The following RPS6KC1 variants were observed in gnomAD, a reference collection of about 807,000 sequenced individuals.
RPS6KC1 encodes inactive ribosomal protein S6 kinase delta-1.
Under a neutral mutation model 103.8 loss-of-function variants are expected in RPS6KC1, and 54 were observed. The ratio of observed to expected loss-of-function variants is 0.52; its 90% CI spans 0.42 to 0.65. The LOEUF (loss-of-function observed/expected upper bound fraction) is 0.65, where lower values mean the gene tolerates loss of function less well. RPS6KC1 is among the 30% of genes least tolerant of loss of function. The pLI, the probability that RPS6KC1 is intolerant of heterozygous loss-of-function variation, is 0.00. For missense variants in RPS6KC1, 1,151 were observed against 1,253.8 expected (o/e 0.92, Z 1.24); for synonymous variants, 439 against 438.7 (o/e 1.00, Z -0.01).
the RPS6KC1 span, among the ~76,000 whole-genome samples, chr1:213,483,199 C>T: frequency 3.9e-5 from 6 of 152,068 alleles, no homozygotes; most frequent in African/African-American, 1.4e-4. Context: ...CTTATGAAAC[C>T]ATCAGATCTC....
chr1:213,291,109 C>G, the RPS6KC1 span, among the ~76,000 whole-genome samples: 2 of 152,196 alleles, frequency 1.3e-5, no homozygotes, highest in African/African-American at 2.4e-5. Context: ...AATAGCAACT[C>G]TGAAGCTACC....
chr1:213,659,767 A>G, the RPS6KC1 span, among the ~76,000 whole-genome samples: 1 of 152,184 alleles, frequency 6.6e-6, no homozygotes, highest in Non-Finnish European at 1.5e-5. Context: ...TGTGCCTGTA[A>G]GTGCATACTG....
chr1:213,654,021 A>T, the RPS6KC1 span, among the ~76,000 whole-genome samples: 1 of 152,180 alleles, frequency 6.6e-6, no homozygotes, highest in Non-Finnish European at 1.5e-5. Context: ...AAGTGTATAG[A>T]CCCTACAGCC....
chr1:213,116,224 A>C (rs1237283151), intron 4 of RPS6KC1, among the ~76,000 whole-genome samples: 1 of 151,936 alleles, frequency 6.6e-6, no homozygotes, highest in Non-Finnish European at 1.5e-5. Context: ...TTACTTTATG[A>C]ATCTGGGTGC....
the RPS6KC1 span, among the ~76,000 whole-genome samples, chr1:213,845,999 G>C: frequency 6.6e-6 from 1 of 151,582 alleles, no homozygotes; most frequent in African/African-American, 2.4e-5. Context: ...AGGCTTAAAA[G>C]AAAAAAGGGC....
At chr1:213,405,947 A>C in the RPS6KC1 span, among the ~76,000 whole-genome samples, 3 of 152,054 alleles carry the variant, frequency 2.0e-5, no homozygotes, top group African/African-American at 7.2e-5. Context: ...CTAAGGGAGG[A>C]GTCAAGGGTC....
intron 1 of RPS6KC1, among the ~76,000 whole-genome samples, chr1:213,065,211 G>A (rs535830720): frequency 2.6e-5 from 4 of 151,608 alleles, no homozygotes; most frequent in East Asian, 3.9e-4. Flanking sequence ...TCCTGACCTC[G>A]TGATCCACCC....
At chr1:213,765,887 CT>C in the RPS6KC1 span, among the ~76,000 whole-genome samples, 1 of 152,112 alleles carries the variant, frequency 6.6e-6, no homozygotes, top group Non-Finnish European at 1.5e-5. Context: ...GTTATTTGTT[CT>C]TCACATTAAT....
chr1:213,110,006 A>G (rs886400987), intron 4 of RPS6KC1, among the ~76,000 whole-genome samples: 1 of 152,136 alleles, frequency 6.6e-6, no homozygotes, highest in Non-Finnish European at 1.5e-5. Context: ...TCATTAGTTG[A>G]TAGACATTCA....
At chr1:213,333,532 G>A in the RPS6KC1 span, among the ~76,000 whole-genome samples, 1 of 152,172 alleles carries the variant, frequency 6.6e-6, no homozygotes, top group Non-Finnish European at 1.5e-5. Context: ...TCAGGGTCAG[G>A]TTTTCGTGCT....
chr1:213,523,218 T>C, the RPS6KC1 span, among the ~76,000 whole-genome samples: 26 of 152,332 alleles, frequency 1.7e-4, no homozygotes, highest in East Asian at 4.6e-3. Context: ...ACACACACAA[T>C]TTTTATGGAT....
At chr1:213,336,154 G>C in the RPS6KC1 span, among the ~76,000 whole-genome samples, 3 of 152,172 alleles carry the variant, frequency 2.0e-5, no homozygotes, top group African/African-American at 7.2e-5. Flanking sequence ...ATAGCTTAAA[G>C]TTCACTTCTA....
At chr1:213,541,388 C>A in the RPS6KC1 span, among the ~76,000 whole-genome samples, 1 of 151,802 alleles carries the variant, frequency 6.6e-6, no homozygotes, top group South Asian at 2.1e-4. Flanking sequence ...GACACAGAGA[C>A]ACAAAATGAG....
chr1:213,493,127 A>G, the RPS6KC1 span, among the ~76,000 whole-genome samples: 1 of 152,338 alleles, frequency 6.6e-6, no homozygotes, highest in South Asian at 2.1e-4. Flanking sequence ...GGAACATAGG[A>G]ACATCTGACT....
intron 8 of RPS6KC1, among the ~76,000 whole-genome samples, chr1:213,181,351 C>T (rs1457960400): frequency 3.3e-5 from 5 of 152,240 alleles, no homozygotes; most frequent in African/African-American, 4.8e-5. Context: ...TGACTATTTA[C>T]TAGGTCAGAT....
chr1:213,581,410 T>C, the RPS6KC1 span, among the ~76,000 whole-genome samples: 12 of 152,146 alleles, frequency 7.9e-5, no homozygotes, highest in Middle Eastern at 3.4e-3. Flanking sequence ...TCTTCTGGAG[T>C]TGAAAATTCA....
At chr1:213,346,359 T>TA in the RPS6KC1 span, among the ~76,000 whole-genome samples, 10 of 150,754 alleles carry the variant, frequency 6.6e-5, no homozygotes, top group South Asian at 4.2e-4. Flanking sequence ...GGTAGAACAA[T>TA]AAAAAAAAAT....
At chr1:213,243,008 T>C (rs2094390160) in intron 12 of RPS6KC1, among the ~76,000 whole-genome samples, 1 of 152,060 alleles carries the variant, frequency 6.6e-6, no homozygotes, top group Non-Finnish European at 1.5e-5. Context: ...CTTTCTTTCT[T>C]TTTTTTGAGA....
the RPS6KC1 span, among the ~76,000 whole-genome samples, chr1:213,570,759 G>T: frequency 6.6e-6 from 1 of 152,100 alleles, no homozygotes; most frequent in Non-Finnish European, 1.5e-5. Context: ...ATGAATCTGA[G>T]CAACCCAGCC....
Sources: gnomAD v4.1 joint callset for allele counts (sites outside exome capture counted in the v4.1 genomes callset) on GRCh38, gnomAD v4.1.1 for gene constraint, MANE v1.5 for transcripts, NCBI Gene and HGNC (gene_info 2026-07-23, HGNC 2026-07-21) for gene names.